The following COL5A1 variants were observed in gnomAD, a reference collection of about 807,000 sequenced individuals.
COL5A1 encodes the protein collagen type V alpha 1 chain.
Under a neutral mutation model 263.7 loss-of-function variants are expected in COL5A1, and 16 were observed. The observed-to-expected ratio is 0.06, with a 90% CI of 0.04 to 0.09. COL5A1 has a LOEUF of 0.09. COL5A1 is among the 10% of genes least tolerant of loss of function. The pLI, the probability that COL5A1 is intolerant of heterozygous loss-of-function variation, is 1.00. For synonymous variants in COL5A1, 1,012 were observed against 1,004.5 expected (o/e 1.01, Z -0.14); for missense variants, 2,036 against 2,540.5 (o/e 0.80, Z 4.27).
intron 14 of COL5A1, among the ~76,000 whole-genome samples, chr9:134,753,485 T>G (rs2132688871): frequency 6.6e-6 from 1 of 152,276 alleles, no homozygotes; most frequent in East Asian, 1.9e-4. Context: ...ATCTGGGGGA[T>G]CTGGCCTTGA....
At chr9:134,762,073 T>C (rs1588519802) in intron 19 of COL5A1, 95 bp downstream of exon 19, 5 of 1,342,596 alleles carry the variant, frequency 3.7e-6, no homozygotes, top group East Asian at 4.6e-5. Context: ...AGGTGTGGGA[T>C]TGGCCTGCCG....
intron 4 of COL5A1, among the ~76,000 whole-genome samples, chr9:134,722,946 G>A: frequency 6.6e-6 from 1 of 152,230 alleles, no homozygotes; most frequent in Non-Finnish European, 1.5e-5. Flanking sequence ...TGAGGGCTGC[G>A]CTAATCAGGG....
chr9:134,815,795 T>C (rs984745518), intron 51 of COL5A1, 140 bp from the exon 52 acceptor site: 1 of 1,276,810 alleles, frequency 7.8e-7, no homozygotes, highest in Non-Finnish European at 1.1e-6. Context: ...GAAAACGCCT[T>C]TGACCCCACT....
rs1308872784 is a variant in COL5A1 at position 134,823,411 on chromosome 9, C to G, written c.4645-5C>G. ...CCAAGGGTTGATTCTTTTCTTTCTC[C>G]CCAGGGTCCAACTGGCCCGAAGGGT... is the stretch of plus-strand genomic sequence containing the variant. On this transcript the variant is annotated splice_region_variant and splice_polypyrimidine_tract_variant and intron_variant, in intron 60 of 65. Coordinates refer to ENST00000371817, the MANE Select transcript of COL5A1 (RefSeq NM_000093.5). 2 of 1,614,088 alleles carry G rather than the reference C, an allele frequency of 1.2e-6. No individual in the cohort carries two copies. Among genetic ancestry groups the G allele is most frequent in the East Asian group, 2.2e-5 (1 of 44,896 alleles).
rs1421607944 is a variant in COL5A1, at chr9:134,754,335, T to G, written c.1827+9T>G. The G allele has an allele frequency of 6.2e-7, 1 of 1,613,788 alleles. No individual in the cohort carries two copies. The highest frequency in any genetic ancestry group is 2.2e-5 in the East Asian group (1 of 44,866). Reference sequence around the variant, plus strand: ...GGAAGCCCGGAAGACGGGTGAGTGGTGCGAGTGTGTGTGGTTTAGTGACAG... The same window carrying G: ...GGAAGCCCGGAAGACGGGTGAGTGGGGCGAGTGTGTGTGGTTTAGTGACAG... On this transcript the variant is annotated intron_variant, in intron 16 of 65. Coordinates refer to ENST00000371817, the MANE Select transcript of COL5A1 (RefSeq NM_000093.5). This position sits in a 1 kb window ranked among gnomAD's most constrained non-coding sequence, Gnocchi z 4.3.
chr9:134,748,549 G>A (rs761042037), intron 11 of COL5A1, among the ~76,000 whole-genome samples: 1 of 152,214 alleles, frequency 6.6e-6, no homozygotes. Context: ...GTGGCTATGA[G>A]GATTGTATGT....
intron 1 of COL5A1, among the ~76,000 whole-genome samples, chr9:134,674,374 G>A (rs1588425525): frequency 6.6e-6 from 1 of 152,162 alleles, no homozygotes; most frequent in Admixed American, 6.5e-5. Context: ...GAGAGAAGCA[G>A]ACACGAAAGA....
At chr9:134,796,804 G>A (rs762210991) in intron 35 of COL5A1, 44 bp from the exon 36 acceptor site, 9 of 1,587,908 alleles carry the variant, frequency 5.7e-6, no homozygotes, top group Admixed American at 5.0e-5. Flanking sequence ...GGAGCTGCTC[G>A]GGAGAGACCT....
In COL5A1 at chr9:134,757,209, G is replaced by A. The variant is rs1264419836; in HGVS notation, c.1881+391G>A. 2.0e-5 allele frequency among the ~76,000 whole-genome samples: 3 copies of A among 152,100 alleles called. No individual in the cohort carries two copies. The highest frequency in any genetic ancestry group is 4.4e-5 in the Non-Finnish European group (3 of 68,020). ...TTGTGGAGGTGAGTAGATGTTGCCC[G>A]TGGCTAAAGGCAGGGCTGTGTGTGT... On this transcript the variant is annotated intron_variant, in intron 17 of 65. Coordinates refer to ENST00000371817, the MANE Select transcript of COL5A1 (RefSeq NM_000093.5). The surrounding 1 kb of genome is among the most constrained non-coding windows in gnomAD (Gnocchi z 6.2).
intron 13 of COL5A1, among the ~76,000 whole-genome samples, chr9:134,751,747 C>T (rs1306447239): frequency 6.6e-6 from 1 of 152,180 alleles, no homozygotes; most frequent in Non-Finnish European, 1.5e-5. Flanking sequence ...TATGCAGCTC[C>T]CACAGCAGCC....
At position 134,802,909 on chromosome 9, in the gene COL5A1, C is replaced by A; in HGVS notation, c.3028C>A (p.Pro1010Thr). ...ACAGGGTCCCACGGGAGAAACGGGC[C>A]CAATGGGTGAGCGTGGCCACCCTGG... ...GPQGPTGETG[P>T]MGERGHPGPP... The change falls in exon 39 of 66, where the codon CCA becomes ACA. Residue 1010 changes from proline to threonine, a missense_variant. Around this residue, in one of 3 missense-constraint regions of COL5A1, gnomAD observed 1,078 missense variants for 1,521.4 expected, o/e 0.71. Transcript: ENST00000371817. 1 of 1,612,498 alleles carries A rather than the reference C, an allele frequency of 6.2e-7. No homozygotes were observed. Among genetic ancestry groups the A allele is most frequent in the Non-Finnish European group, 8.5e-7 (1 of 1,179,706 alleles).
At chr9:134,721,716 G>A (rs1007787143) in intron 4 of COL5A1, among the ~76,000 whole-genome samples, 1 of 152,244 alleles carries the variant, frequency 6.6e-6, no homozygotes, top group African/African-American at 2.4e-5. Context: ...CAGAAGGAGC[G>A]CTAGCTCGTG....
At chr9:134,660,396 T>C (rs1832166902) in intron 1 of COL5A1, among the ~76,000 whole-genome samples, 1 of 152,132 alleles carries the variant, frequency 6.6e-6, no homozygotes, top group African/African-American at 2.4e-5. Flanking sequence ...TTAGGAAAAG[T>C]TAGGAAGTTT....
chr9:134,798,902 C>T (rs145098456), intron 37 of COL5A1, among the ~76,000 whole-genome samples: 35 of 152,328 alleles, frequency 2.3e-4, no homozygotes, highest in African/African-American at 7.2e-4. Context: ...TGTTACTCAG[C>T]GTCATTCAGT....
At chr9:134,667,888 C>T (rs1351893238) in intron 1 of COL5A1, among the ~76,000 whole-genome samples, 5 of 152,222 alleles carry the variant, frequency 3.3e-5, no homozygotes, top group African/African-American at 1.2e-4. Context: ...TATGCAGTCC[C>T]TGCTGGAACA....
chr9:134,774,012 G>T (rs969257746), intron 26 of COL5A1, among the ~76,000 whole-genome samples: 8 of 152,342 alleles, frequency 5.3e-5, no homozygotes, highest in African/African-American at 1.9e-4. Flanking sequence ...AGCACCTGGG[G>T]CCACCAGAGC....
At chr9:134,719,505 G>A (rs971758313) in intron 4 of COL5A1, among the ~76,000 whole-genome samples, 1 of 152,238 alleles carries the variant, frequency 6.6e-6, no homozygotes, top group Non-Finnish European at 1.5e-5. Context: ...GCGGGCCATG[G>A]GCCTACAAGT....
intron 28 of COL5A1, among the ~76,000 whole-genome samples, chr9:134,781,210 T>G (rs1338920358): frequency 6.6e-6 from 1 of 152,082 alleles, no homozygotes; most frequent in East Asian, 1.9e-4. Context: ...TTCCACGGAG[T>G]TTGTTGAGCG....
At chr9:134,782,459 A>G in intron 28 of COL5A1, 1 of 664,538 alleles carries the variant, frequency 1.5e-6, no homozygotes, top group Non-Finnish European at 2.7e-6. Context: ...AGCTCTCTCC[A>G]GCTTCAGAAC....
Sources: allele counts gnomAD v4.1 joint callset (sites outside exome capture counted in the v4.1 genomes callset), GRCh38; gene constraint gnomAD v4.1.1; regional missense constraint gnomAD v4.1.1; non-coding constraint Gnocchi (gnomAD v3.1); transcripts MANE v1.5; gene names NCBI Gene and HGNC (gene_info 2026-07-23, HGNC 2026-07-21).